Variants in FHIT observed in about 807,000 individuals in gnomAD.
FHIT encodes bis(5'-adenosyl)-triphosphatase.
A neutral mutation model predicts 17.9 loss-of-function variants in FHIT; 19 were observed. That is an observed-to-expected ratio of 1.06 (90% CI 0.74 to 1.56). FHIT has a LOEUF of 1.56. Among genes scored for constraint, FHIT ranks in the 40% most tolerant of loss-of-function variants. The pLI, the probability that FHIT is intolerant of heterozygous loss-of-function variation, is 0.00. For synonymous variants in FHIT, 81 were observed against 69.7 expected (o/e 1.16, Z -0.81); for missense variants, 248 against 189.2 (o/e 1.31, Z -1.82).
At chr3:60,412,932 T>C (rs1190751792) in intron 5 of FHIT, among the ~76,000 whole-genome samples, 1 of 152,144 alleles carries the variant, frequency 6.6e-6, no homozygotes, top group Admixed American at 6.5e-5. Flanking sequence ...CCTGCCACCA[T>C]GTAAGATGTG....
intron 8 of FHIT, among the ~76,000 whole-genome samples, chr3:59,900,866 A>C (rs1220621995): frequency 6.6e-6 from 1 of 152,156 alleles, no homozygotes; most frequent in African/African-American, 2.4e-5. Flanking sequence ...CACCTGCCTC[A>C]GCCTCCCAAA....
intron 4 of FHIT, among the ~76,000 whole-genome samples, chr3:60,568,375 C>T (rs1046376204): frequency 3.9e-4 from 59 of 151,908 alleles, no homozygotes; most frequent in Middle Eastern, 3.4e-3. Context: ...CCAAATACCG[C>T]GTGTTCTCAC....
chr3:60,342,099 C>A (rs1299385761), intron 5 of FHIT, among the ~76,000 whole-genome samples: 3 of 152,206 alleles, frequency 2.0e-5, no homozygotes, highest in South Asian at 2.1e-4. Flanking sequence ...AGATGCCAGG[C>A]TCCTCCCCAC....
chr3:60,049,565 G>A (rs1311627987), intron 5 of FHIT, among the ~76,000 whole-genome samples: 3 of 152,030 alleles, frequency 2.0e-5, no homozygotes, highest in African/African-American at 7.2e-5. Flanking sequence ...ATCAGATACT[G>A]AAAATAGTAC....
At chr3:60,481,630 G>A (rs530992879) in intron 5 of FHIT, among the ~76,000 whole-genome samples, 1 of 152,252 alleles carries the variant, frequency 6.6e-6, no homozygotes, top group East Asian at 1.9e-4. Flanking sequence ...AATGCTGAGG[G>A]ATTTCATCAC....
At chr3:59,982,083 GATAA>G (rs1344356238) in intron 7 of FHIT, among the ~76,000 whole-genome samples, 9 of 152,170 alleles carry the variant, frequency 5.9e-5, no homozygotes, top group African/African-American at 2.2e-4. Flanking sequence ...AACATGAAGA[GATAA>G]ATAGACTATT....
At chr3:60,348,668 T>C (rs1215157013) in intron 5 of FHIT, among the ~76,000 whole-genome samples, 1 of 152,160 alleles carries the variant, frequency 6.6e-6, no homozygotes, top group Non-Finnish European at 1.5e-5. Context: ...AATGGCCCCA[T>C]GTAATTTGCA....
At chr3:59,902,105 C>T (rs960732975) in intron 8 of FHIT, among the ~76,000 whole-genome samples, 2 of 152,140 alleles carry the variant, frequency 1.3e-5, no homozygotes, top group Non-Finnish European at 2.9e-5. Flanking sequence ...ATAGTACCCT[C>T]CCCTGTAAAA....
chr3:61,123,168 G>C (rs2036509273), intron 2 of FHIT, among the ~76,000 whole-genome samples: 1 of 152,160 alleles, frequency 6.6e-6, no homozygotes, highest in Non-Finnish European at 1.5e-5. Flanking sequence ...ATACGATGCA[G>C]CCATAAAAAA....
At chr3:60,868,148 A>G (rs1183041681) in intron 3 of FHIT, among the ~76,000 whole-genome samples, 1 of 152,192 alleles carries the variant, frequency 6.6e-6, no homozygotes, top group Non-Finnish European at 1.5e-5. Context: ...ATCTTTACAC[A>G]TCTCAGAATA....
intron 5 of FHIT, among the ~76,000 whole-genome samples, chr3:60,301,237 T>C (rs1708448749): frequency 6.6e-6 from 1 of 152,148 alleles, no homozygotes; most frequent in South Asian, 2.1e-4. Context: ...TTATGTGACA[T>C]GTCATATTGG....
chr3:60,359,792 A>C (rs950182378), intron 5 of FHIT, among the ~76,000 whole-genome samples: 1 of 152,204 alleles, frequency 6.6e-6, no homozygotes, highest in Non-Finnish European at 1.5e-5. Context: ...CCCTAAAAGC[A>C]TAACAGCATC....
chr3:61,200,321 A>G (rs1179642687), intron 2 of FHIT, among the ~76,000 whole-genome samples: 1 of 152,212 alleles, frequency 6.6e-6, no homozygotes, highest in African/African-American at 2.4e-5. Context: ...TTCTTTTTCC[A>G]TCTAGCATTA....
chr3:59,759,111 G>C (rs920490891), intron 8 of FHIT, among the ~76,000 whole-genome samples: 1 of 151,868 alleles, frequency 6.6e-6, no homozygotes. Context: ...TAAAGGGGCA[G>C]GAAGGAATAT....
At chr3:60,206,175 A>ATTG (rs1284421917) in intron 5 of FHIT, among the ~76,000 whole-genome samples, 1 of 149,248 alleles carries the variant, frequency 6.7e-6, no homozygotes, top group African/African-American at 2.4e-5. Context: ...AATAATAATT[A>ATTG]TAACACTTAA....
chr3:60,750,507 G>C (rs1282378075), intron 4 of FHIT, among the ~76,000 whole-genome samples: 1 of 152,152 alleles, frequency 6.6e-6, no homozygotes. Context: ...TCATGAATCA[G>C]TCTCACAAGA....
intron 4 of FHIT, among the ~76,000 whole-genome samples, chr3:60,709,753 C>T (rs138900353): frequency 5.5e-4 from 84 of 152,288 alleles, no homozygotes; most frequent in Middle Eastern, 3.4e-3. Flanking sequence ...CTCATGGTGG[C>T]ATATCCAAGT....
At chr3:60,850,376 C>T (rs1208873296) in intron 3 of FHIT, among the ~76,000 whole-genome samples, 7 of 129,582 alleles carry the variant, frequency 5.4e-5, no homozygotes, top group African/African-American at 1.7e-4. Flanking sequence ...TCATGCTCTG[C>T]ATCTTTAAAT....
chr3:60,615,540 G>A (rs149785240), intron 4 of FHIT, among the ~76,000 whole-genome samples: 2 of 152,180 alleles, frequency 1.3e-5, no homozygotes, highest in African/African-American at 4.8e-5. Context: ...CCATTCGTCA[G>A]AGCAAAGTGA....
Sources: gnomAD v4.1 joint callset for allele counts (sites outside exome capture counted in the v4.1 genomes callset) on GRCh38, gnomAD v4.1.1 for gene constraint, MANE v1.5 for transcripts, NCBI Gene and HGNC (gene_info 2026-07-23, HGNC 2026-07-21) for gene names.